The following LARP1B variants were observed in gnomAD, a reference collection of about 807,000 sequenced individuals.
LARP1B encodes La ribonucleoprotein 1B.
Under a neutral mutation model 114.2 loss-of-function variants are expected in LARP1B, and 76 were observed. The ratio of observed to expected loss-of-function variants is 0.67; its 90% CI spans 0.55 to 0.81. The LOEUF is 0.81. LARP1B is among the 30% of genes least tolerant of loss of function. The pLI is 0.00. For synonymous variants in LARP1B, 345 were observed against 348.0 expected (o/e 0.99, Z 0.10); for missense variants, 1,014 against 1,075.8 (o/e 0.94, Z 0.80).
At chr4:128,082,512 A>G (rs1220667322) in intron 5 of LARP1B, among the ~76,000 whole-genome samples, 1 of 152,178 alleles carries the variant, frequency 6.6e-6, no homozygotes, top group Admixed American at 6.6e-5. Flanking sequence ...ATACAATGTG[A>G]TTGTCCACAG....
rs536736834 is a variant in LARP1B at position 128,118,398 on chromosome 4, A to AT, written c.1162-3417dup. On this transcript the variant is annotated intron_variant, in intron 10 of 19. Transcript: ENST00000326639. ...AGGCGCTTGCCACCACGCCCAGCTA[A>AT]TTTTTTTTTTTGTATTTTTAGTAGA... Among the ~76,000 whole-genome samples, 525 of 143,550 alleles carry AT rather than the reference A, an allele frequency of 3.7e-3. 7 individuals are homozygous for AT. In the South Asian group the frequency reaches 0.051, roughly 14 times the overall value. The allele number at this position is 143,550 out of a possible 152,430, so 94.2% of individuals were successfully genotyped here.
At chr4:128,114,924 A>G (rs1212178347) in intron 10 of LARP1B, among the ~76,000 whole-genome samples, 182 bp downstream of exon 10, 1 of 152,144 alleles carries the variant, frequency 6.6e-6, no homozygotes, top group Non-Finnish European at 1.5e-5. Context: ...AGTTGTATCA[A>G]TTTTTAAAAT....
At chr4:128,200,497 A>C (rs771566715) in intron 16 of LARP1B, 24 bp from the exon 17 acceptor site, 1 of 1,345,040 alleles carries the variant, frequency 7.4e-7, no homozygotes, top group South Asian at 1.7e-5. Flanking sequence ...TTAATAAAAT[A>C]ATATTTTATT....
chr4:128,097,870 T>C (rs1778638288), intron 7 of LARP1B, among the ~76,000 whole-genome samples: 1 of 152,116 alleles, frequency 6.6e-6, no homozygotes, highest in East Asian at 1.9e-4. Flanking sequence ...TCTAATTAAC[T>C]CATTAAAAAA....
intron 7 of LARP1B, among the ~76,000 whole-genome samples, chr4:128,094,753 AT>A (rs982354027): frequency 1.1e-4 from 16 of 147,840 alleles, no homozygotes; most frequent in East Asian, 2.0e-4. Flanking sequence ...AAATTTTAGA[AT>A]TTTTTTTTTC....
chr4:128,121,861 G>T lies in LARP1B; in HGVS notation c.1197G>T (p.Gln399His), dbSNP rs1287733094. Residue 399 changes from glutamine to histidine, a missense_variant, in exon 11 of 20, where the codon CAG becomes CAT. Transcript: ENST00000326639. ...SVSVPEGSLN[Q>H]LCSSEEPEQE... Reference sequence around the variant, plus strand: ...CTGTCCCTGAAGGGTCATTAAATCAGCTATGTTCTTCAGAAGAACCAGAAC... The same window carrying T: ...CTGTCCCTGAAGGGTCATTAAATCATCTATGTTCTTCAGAAGAACCAGAAC... The T allele has an allele frequency of 1.2e-6, 2 of 1,606,672 alleles. No individual in the cohort carries two copies. The highest frequency in any genetic ancestry group is 3.4e-5 in the Admixed American group (2 of 59,208).
chr4:128,079,986 C>T (rs2017277), intron 4 of LARP1B, among the ~76,000 whole-genome samples: 85 of 144,318 alleles, frequency 5.9e-4, no homozygotes, highest in Middle Eastern at 3.5e-3. Context: ...TAAAATTTGT[C>T]TTTTTTTTTT....
chr4:128,108,563 GTTTC>G, intron 9 of LARP1B: 2 of 985,614 alleles, frequency 2.0e-6, no homozygotes, highest in Non-Finnish European at 2.4e-6. Flanking sequence ...TTTATCATAT[GTTTC>G]TTTGTCAGCC....
chr4:128,161,988 T>C (rs6818467), intron 11 of LARP1B, among the ~76,000 whole-genome samples: 63,295 of 151,928 alleles, frequency 0.42, 14,534 homozygotes, highest in African/African-American at 0.61. Context: ...ATAAAATCAT[T>C]ATAATATTTT....
At chr4:128,103,551 GC>G (rs1781017649) in intron 8 of LARP1B, among the ~76,000 whole-genome samples, 2 of 148,614 alleles carry the variant, frequency 1.3e-5, no homozygotes, top group Admixed American at 6.7e-5. Flanking sequence ...TGTTTGTTAT[GC>G]CCCTTCCTCT....
At chr4:128,098,747 G>GTGTGTGTATATATA in intron 8 of LARP1B, among the ~76,000 whole-genome samples, 8 of 15,580 alleles carry the variant, frequency 5.1e-4, no homozygotes, top group African/African-American at 5.8e-4. Context: ...ATATGTATGT[G>GTGTGTGTATATATA]TATATATATA....
At position 128,211,543 on chromosome 4, in the gene LARP1B, A is replaced by G; in HGVS notation, c.*1490A>G. 2.2e-6 allele frequency: 2 copies of G among 915,090 alleles called. No homozygotes were observed. The highest frequency in any genetic ancestry group is 1.8e-5 in the African/African-American group (1 of 55,960). The allele number at this position is 915,090 out of a possible 1,614,324, so 56.7% of individuals were successfully genotyped here. A position where few individuals can be genotyped will look rare whatever the true frequency, so the allele number is the denominator to read the frequency against. On this transcript the variant is annotated 3_prime_UTR_variant, in exon 20 of 20. Coordinates refer to ENST00000326639, the MANE Select transcript of LARP1B (RefSeq NM_018078.4). The stretch of plus-strand genomic sequence containing the variant: ...AAATTGCAGAAATAGTCAAATTTGA[A>G]TATTCAGAAAATAAATTTATTTAGA...
At chr4:128,147,689 A>G (rs1287687464) in intron 11 of LARP1B, among the ~76,000 whole-genome samples, 1 of 152,162 alleles carries the variant, frequency 6.6e-6, no homozygotes, top group African/African-American at 2.4e-5. Flanking sequence ...AAAATTAAAA[A>G]CTTATAAAGT....
chr4:128,143,559 A>G (rs1383849980), intron 11 of LARP1B, among the ~76,000 whole-genome samples: 1 of 152,198 alleles, frequency 6.6e-6, no homozygotes, highest in Admixed American at 6.5e-5. Flanking sequence ...TCTAGGCAGA[A>G]GAGAACTATC....
At chr4:128,116,089 A>G (rs564943885) in intron 10 of LARP1B, among the ~76,000 whole-genome samples, 1 of 152,350 alleles carries the variant, frequency 6.6e-6, no homozygotes, top group African/African-American at 2.4e-5. Context: ...AGAAAATTGA[A>G]TTTTTGGTGG....
At chr4:128,125,779 A>G (rs908397242) in intron 11 of LARP1B, among the ~76,000 whole-genome samples, 1 of 151,964 alleles carries the variant, frequency 6.6e-6, no homozygotes, top group African/African-American at 2.4e-5. Context: ...ACAAAACAGA[A>G]TGTTTTTCTG....
chr4:128,151,823 C>T (rs1561421646), intron 11 of LARP1B, among the ~76,000 whole-genome samples: 3 of 152,172 alleles, frequency 2.0e-5, no homozygotes, highest in South Asian at 2.1e-4. Flanking sequence ...AGGTTGGTCT[C>T]GAACTCCAGA....
At chr4:128,133,357 A>G (rs1002956865) in intron 11 of LARP1B, among the ~76,000 whole-genome samples, 3 of 152,256 alleles carry the variant, frequency 2.0e-5, no homozygotes, top group Admixed American at 2.0e-4. Context: ...TAAAGCTGTT[A>G]TGAACAACAA....
intron 18 of LARP1B, chr4:128,206,800 A>C: frequency 2.0e-6 from 2 of 985,408 alleles, no homozygotes; most frequent in Non-Finnish European, 2.4e-6. Flanking sequence ...GTGGCTACTC[A>C]CTGATGTTCC....
Sources: gnomAD v4.1 joint callset for allele counts (sites outside exome capture counted in the v4.1 genomes callset) on GRCh38, gnomAD v4.1.1 for gene constraint, MANE v1.5 for transcripts, NCBI Gene and HGNC (gene_info 2026-07-23, HGNC 2026-07-21) for gene names.